PIK3C3: variants seen among roughly 807,000 people sequenced by gnomAD.
PIK3C3 encodes the protein phosphatidylinositol 3-kinase catalytic subunit type 3, also known as PI3-kinase type 3.
In PIK3C3, 95 loss-of-function variants were observed where a neutral mutation model predicts 126.1. That is an observed-to-expected ratio of 0.75 (90% CI 0.64 to 0.89). The LOEUF (loss-of-function observed/expected upper bound fraction) is 0.89. Ranked by LOEUF, PIK3C3 falls within the 40% of genes least tolerant of loss-of-function variation. PIK3C3 has a pLI of 0.00. For synonymous variants in PIK3C3, 374 were observed against 360.0 expected, an observed-to-expected ratio of 1.04 and a Z score of -0.44; for missense variants, 829 against 1,063.2, an observed-to-expected ratio of 0.78 and a Z score of 3.06.
At chr18:41,998,905 G>A (rs1346377475) in intron 9 of PIK3C3, among the ~76,000 whole-genome samples, 7 of 152,110 alleles carry the variant, frequency 4.6e-5, no homozygotes, top group Admixed American at 1.3e-4. Flanking sequence ...TTCTTTTAGC[G>A]TCAGACTCTC....
intron 18 of PIK3C3, among the ~76,000 whole-genome samples, chr18:42,039,544 C>T (rs1210656891): frequency 6.6e-6 from 1 of 152,232 alleles, no homozygotes; most frequent in African/African-American, 2.4e-5. Context: ...CACTCTTCCC[C>T]TGCATCCTGG....
chr18:42,011,133 G>T (rs1172822498), intron 10 of PIK3C3, among the ~76,000 whole-genome samples: 1 of 152,138 alleles, frequency 6.6e-6, no homozygotes, highest in East Asian at 1.9e-4. Flanking sequence ...TAGAGCACAG[G>T]CAATGTAGAT....
At chr18:41,967,350 A>G (rs764495400) in intron 3 of PIK3C3, among the ~76,000 whole-genome samples, 1 of 152,312 alleles carries the variant, frequency 6.6e-6, no homozygotes, top group South Asian at 2.1e-4. Context: ...AAACCATGCC[A>G]TGTGCCACTA....
At chr18:42,056,401 C>G (rs525399) in intron 21 of PIK3C3, among the ~76,000 whole-genome samples, 1 of 151,830 alleles carries the variant, frequency 6.6e-6, no homozygotes, top group Non-Finnish European at 1.5e-5. Context: ...TAATTCCTGT[C>G]ATGAAATGAA....
intron 4 of PIK3C3, among the ~76,000 whole-genome samples, chr18:41,972,087 T>C (rs1329160150): frequency 6.6e-6 from 1 of 152,084 alleles, no homozygotes; most frequent in Non-Finnish European, 1.5e-5. Context: ...GGACTGCTGG[T>C]TTTTTAATGT....
intron 11 of PIK3C3, among the ~76,000 whole-genome samples, chr18:42,015,013 A>G (rs1567984031): frequency 1.3e-5 from 2 of 152,150 alleles, no homozygotes; most frequent in Non-Finnish European, 2.9e-5. Flanking sequence ...GAATTTTATG[A>G]TGGGGTGAAA....
intron 9 of PIK3C3, among the ~76,000 whole-genome samples, chr18:42,002,469 G>T (rs76329575): frequency 6.6e-6 from 1 of 152,148 alleles, no homozygotes; most frequent in African/African-American, 2.4e-5. Context: ...TGTCCACATC[G>T]TATGGGGCTA....
chr18:42,076,167 T>TATATATGCACAC (rs1986013005), intron 24 of PIK3C3, among the ~76,000 whole-genome samples: 1 of 112,242 alleles, frequency 8.9e-6, no homozygotes, highest in South Asian at 2.3e-4. Flanking sequence ...TATATGCACA[T>TATATATGCACAC]ATATATATAT....
intron 12 of PIK3C3, among the ~76,000 whole-genome samples, chr18:42,017,808 T>G (rs1337198529): frequency 6.6e-6 from 1 of 152,020 alleles, no homozygotes; most frequent in Non-Finnish European, 1.5e-5. Flanking sequence ...TAGCCTTATA[T>G]TTTAGGTTTA....
At position 42,005,222 on chromosome 18, in the gene PIK3C3, C is replaced by CT. The variant is rs200266158; in HGVS notation, c.1170+682dup. ...ACCCAAACCTAGATGGTAAAGCCTA[C>CT]TACACACTGAGGCTGTGTACTCCTA... is the stretch of plus-strand genomic sequence containing the variant. On this transcript the variant is annotated intron_variant, in intron 10 of 24. Transcript: ENST00000262039. 8.7e-3 allele frequency among the ~76,000 whole-genome samples: 1,332 copies of CT among 152,294 alleles called. 13 individuals are homozygous for CT. The highest frequency in any genetic ancestry group is 0.015 in the Non-Finnish European group (995 of 68,018).
chr18:42,061,025 T>A (rs1985290826), intron 22 of PIK3C3, among the ~76,000 whole-genome samples: 1 of 152,222 alleles, frequency 6.6e-6, no homozygotes, highest in Non-Finnish European at 1.5e-5. Flanking sequence ...AACCTCAATG[T>A]AGTTAATGGA....
At chr18:42,078,106 G>A (rs943100402) in intron 24 of PIK3C3, among the ~76,000 whole-genome samples, 12 of 152,014 alleles carry the variant, frequency 7.9e-5, no homozygotes, top group Admixed American at 1.3e-4. Context: ...GGCCGGGCGC[G>A]GTGGCTCACG....
At chr18:42,067,201 A>C (rs957214947) in intron 23 of PIK3C3, among the ~76,000 whole-genome samples, 187 bp from the exon 24 acceptor site, 1 of 152,210 alleles carries the variant, frequency 6.6e-6, no homozygotes. Flanking sequence ...TATACAGAGC[A>C]TATAACAAAA....
At chr18:42,044,891 G>A (rs1025155140) in intron 20 of PIK3C3, among the ~76,000 whole-genome samples, 2 of 152,146 alleles carry the variant, frequency 1.3e-5, no homozygotes, top group African/African-American at 4.8e-5. Context: ...GCTTAAGCTG[G>A]GAGAGCAAGA....
chr18:42,043,811 A>C lies in PIK3C3; in HGVS notation c.2182A>C (p.Ser728Arg). ...SAEVMDTYVKSCAGYCVITYI... is the reference protein window; with the variant it reads ...SAEVMDTYVKRCAGYCVITYI... Reference sequence around the variant, plus strand: ...TGAGGTCATGGACACTTACGTTAAAAGCTGTGGTAAGTTTTTCAGGCTATT... The same window carrying C: ...TGAGGTCATGGACACTTACGTTAAACGCTGTGGTAAGTTTTTCAGGCTATT... Residue 728 changes from serine to arginine, a missense_variant, in exon 20 of 25, where the codon AGC becomes CGC. By Grantham distance (110) the Ser-to-Arg change is moderately radical (BLOSUM62 -1). Around this residue, in one of 4 missense-constraint regions of PIK3C3, gnomAD observed 196 missense variants for 312.8 expected, o/e 0.63. Coordinates refer to ENST00000262039, the MANE Select transcript of PIK3C3 (RefSeq NM_002647.4). 6.2e-7 allele frequency: 1 copy of C among 1,609,960 alleles called. No homozygotes were observed. The highest frequency in any genetic ancestry group is 8.5e-7 in the Non-Finnish European group (1 of 1,176,430).
At chr18:41,981,985 A>T (rs1981227899) in intron 4 of PIK3C3, among the ~76,000 whole-genome samples, 2 of 149,148 alleles carry the variant, frequency 1.3e-5, no homozygotes, top group East Asian at 2.0e-4. Flanking sequence ...CCCTGTCTCA[A>T]AAAAAAAAAG....
At chr18:42,040,523 C>T (rs998423788) in intron 18 of PIK3C3, among the ~76,000 whole-genome samples, 154 bp from the exon 19 acceptor site, 6 of 151,962 alleles carry the variant, frequency 3.9e-5, no homozygotes, top group African/African-American at 1.4e-4. Flanking sequence ...GACATAAATG[C>T]CAGTACAAAC....
chr18:42,037,665 T>A, intron 16 of PIK3C3, 27 bp from the exon 17 acceptor site: 1 of 1,591,498 alleles, frequency 6.3e-7, no homozygotes, highest in Non-Finnish European at 8.6e-7. Flanking sequence ...CATGGCCAAA[T>A]TTGAAATCAA....
chr18:42,029,656 C>A (rs113116585), intron 15 of PIK3C3, among the ~76,000 whole-genome samples: 7 of 150,596 alleles, frequency 4.6e-5, no homozygotes, highest in Non-Finnish European at 5.9e-5. Flanking sequence ...AATTCTCATG[C>A]CCCAGCCTCC....
Sources: allele counts gnomAD v4.1 joint callset (sites outside exome capture counted in the v4.1 genomes callset), GRCh38; gene constraint gnomAD v4.1.1; regional missense constraint gnomAD v4.1.1; transcripts MANE v1.5; gene names NCBI Gene and HGNC (gene_info 2026-07-23, HGNC 2026-07-21).